Variants in TEX101 observed in about 807,000 individuals in gnomAD.
The protein encoded by TEX101 is testis-expressed protein 101.
A neutral mutation model predicts 18.1 loss-of-function variants in TEX101; 10 were observed. That is an observed-to-expected ratio of 0.55 (90% confidence interval 0.34 to 0.94). The LOEUF (loss-of-function observed/expected upper bound fraction) is 0.94. TEX101 is among the 40% of genes least tolerant of loss of function. The pLI is 0.02. For synonymous variants in TEX101, 94 were observed against 114.8 expected, an observed-to-expected ratio of 0.82 and a Z score of 1.16; for missense variants, 259 against 298.9, an observed-to-expected ratio of 0.87 and a Z score of 0.98.
At position 43,418,355 on chromosome 19, in the gene TEX101, A is replaced by ACTGCTGCCATTG. The variant is rs1452918540; in HGVS notation, c.719_730dup (p.Leu240_Pro243dup). The ACTGCTGCCATTG allele has an allele frequency of 2.5e-6, 4 of 1,614,092 alleles. No homozygotes were observed. Among genetic ancestry groups the ACTGCTGCCATTG allele is most frequent in the Non-Finnish European group, 3.4e-6 (4 of 1,179,974 alleles). ...CCATTCCTGTTTGGGGGTTACAGCT[A>ACTGCTGCCATTG]CTGCTGCCATTGCTGCTGCCATCAT... On this transcript the variant is annotated inframe_insertion, in exon 6 of 6. Coordinates refer to ENST00000598265, the MANE Select transcript of TEX101 (RefSeq NM_001130011.3).
At chr19:43,403,280 T>C (rs1168135362) in intron 2 of TEX101, among the ~76,000 whole-genome samples, 1 of 152,222 alleles carries the variant, frequency 6.6e-6, no homozygotes, top group Non-Finnish European at 1.5e-5. Context: ...ACCTGAGTCA[T>C]TCAGGCTTAA....
At chr19:43,397,833 ATT>A (rs1207721964), upstream of TEX101, among the ~76,000 whole-genome samples, 1 of 115,188 alleles carries the variant, frequency 8.7e-6, no homozygotes, top group African/African-American at 3.3e-5. Context: ...AAAAATATAT[ATT>A]TTATATAAAT....
At chr19:43,396,875 C>T, upstream of TEX101, among the ~76,000 whole-genome samples, 1 of 129,344 alleles carries the variant, frequency 7.7e-6, no homozygotes, top group East Asian at 2.2e-4. Flanking sequence ...CTCGCTCTGT[C>T]GCCCAGGCTG....
At chr19:43,398,854 G>A (rs751536722), upstream of TEX101, among the ~76,000 whole-genome samples, 68 of 152,186 alleles carry the variant, frequency 4.5e-4, no homozygotes, top group Non-Finnish European at 7.8e-4. Context: ...AAGTAACTTT[G>A]AGATGACAGA....
Position 43,417,213 on chromosome 19 carries a change from C to T in TEX101, c.391+658C>T, listed in dbSNP as rs1970489762. The stretch of plus-strand genomic sequence containing the variant: ...AGCTTCATTTCCCTCTCTTCCCTCT[C>T]TCATTTACTGTGTGCTAACTGGGGC... On this transcript the variant is annotated intron_variant, in intron 4 of 5. Transcript: ENST00000598265. Among the ~76,000 whole-genome samples, 3 of 152,082 alleles carry T rather than the reference C, an allele frequency of 2.0e-5. No homozygotes were observed. In the South Asian group the frequency reaches 6.2e-4, roughly 32 times the overall value.
chr19:43,393,666 T>C, the TEX101 span, among the ~76,000 whole-genome samples: 25 of 152,324 alleles, frequency 1.6e-4, no homozygotes, highest in South Asian at 2.1e-4. Context: ...TTAATTGAGT[T>C]GATGCTCTGT....
chr19:43,399,593 C>T (rs1272662479), upstream of TEX101, among the ~76,000 whole-genome samples: 1 of 152,048 alleles, frequency 6.6e-6, no homozygotes, highest in Non-Finnish European at 1.5e-5. Flanking sequence ...TACTGTGATA[C>T]TTGATTATTT....
the TEX101 span, among the ~76,000 whole-genome samples, chr19:43,390,167 AT>A: frequency 6.6e-6 from 1 of 151,916 alleles, no homozygotes; most frequent in Non-Finnish European, 1.5e-5. Context: ...TTTCTGTTTA[AT>A]TTTTTGAATA....
intron 5 of TEX101, 58 bp from the exon 6 acceptor site, chr19:43,418,110 A>C: frequency 6.2e-7 from 1 of 1,611,258 alleles, no homozygotes; most frequent in African/African-American, 1.3e-5. Flanking sequence ...GGGGGACTGG[A>C]TTCTCCTCTG....
In TEX101 at chr19:43,415,998, C is replaced by T. The variant is rs761039520; in HGVS notation, c.64+15C>T. ...CCTCCTGACCTGTGCGTATGGGGGA[C>T]ATAGGGGAGAGCCGTGTGTCACAGA... On this transcript the variant is annotated intron_variant, in intron 2 of 5. Coordinates refer to ENST00000598265, the MANE Select transcript of TEX101 (RefSeq NM_001130011.3). 6.2e-7 allele frequency: 1 copy of T among 1,613,380 alleles called. No homozygotes were observed. The highest frequency in any genetic ancestry group is 1.3e-5 in the African/African-American group (1 of 74,910).
chr19:43,389,993 C>T, the TEX101 span, among the ~76,000 whole-genome samples: 1 of 152,164 alleles, frequency 6.6e-6, no homozygotes, highest in Non-Finnish European at 1.5e-5. Context: ...TTCAGGCCTC[C>T]TCCGGCCATG....
chr19:43,403,617 G>C (rs1970336515), intron 2 of TEX101, among the ~76,000 whole-genome samples: 1 of 151,052 alleles, frequency 6.6e-6, no homozygotes, highest in Non-Finnish European at 1.5e-5. Flanking sequence ...AATATTATTA[G>C]CCTTTAACCC....
chr19:43,410,732 ACAT>A (rs1189777248), upstream of TEX101, among the ~76,000 whole-genome samples: 4 of 152,066 alleles, frequency 2.6e-5, no homozygotes, highest in Admixed American at 6.5e-5. Flanking sequence ...CGAGACACAC[ACAT>A]CAGACACACA....
At chr19:43,394,918 G>A in the TEX101 span, among the ~76,000 whole-genome samples, 1 of 152,174 alleles carries the variant, frequency 6.6e-6, no homozygotes, top group Non-Finnish European at 1.5e-5. Context: ...TACCCACTTA[G>A]GTTCAGTATC....
the TEX101 span, among the ~76,000 whole-genome samples, chr19:43,392,389 G>C: frequency 6.6e-6 from 1 of 151,816 alleles, no homozygotes; most frequent in Non-Finnish European, 1.5e-5. Context: ...AGAGAGTGAG[G>C]GGAGAGAGAA....
chr19:43,392,213 A>T, the TEX101 span, among the ~76,000 whole-genome samples: 478 of 152,084 alleles, frequency 3.1e-3, 3 homozygotes, highest in African/African-American at 0.011. Context: ...CACAGAGAGA[A>T]GGAGGGAGAG....
upstream of TEX101, among the ~76,000 whole-genome samples, chr19:43,397,678 C>G (rs1172245883): frequency 6.7e-6 from 1 of 148,424 alleles, no homozygotes; most frequent in Non-Finnish European, 1.5e-5. Flanking sequence ...CCCACAATAC[C>G]GTGATCACGC....
chr19:43,415,739 G>A (rs1197224686), intron 1 of TEX101, 142 bp from the exon 2 acceptor site: 112 of 697,646 alleles, frequency 1.6e-4, no homozygotes, highest in Non-Finnish European at 2.4e-4. Context: ...CAGCCTGGGC[G>A]ACAGTGCAAG....
chr19:43,394,892 G>A, the TEX101 span, among the ~76,000 whole-genome samples: 1 of 152,172 alleles, frequency 6.6e-6, no homozygotes, highest in Admixed American at 6.5e-5. Flanking sequence ...TTTTCAGGGA[G>A]GAAAAGCTTT....
Sources: gnomAD v4.1 joint callset for allele counts (sites outside exome capture counted in the v4.1 genomes callset) on GRCh38, gnomAD v4.1.1 for gene constraint, MANE v1.5 for transcripts, NCBI Gene and HGNC (gene_info 2026-07-23, HGNC 2026-07-21) for gene names.